Variants in FNBP1 observed in about 807,000 individuals in gnomAD.
The protein encoded by FNBP1 is formin binding protein 1, also known as formin-binding protein 1.
Under a neutral mutation model 90.6 loss-of-function variants are expected in FNBP1, and 26 were observed. The ratio of observed to expected loss-of-function variants is 0.29; its 90% CI spans 0.21 to 0.40. FNBP1 has a LOEUF of 0.40. Ranked by LOEUF, FNBP1 falls within the 10% of genes least tolerant of loss-of-function variation. The pLI, the probability that FNBP1 is intolerant of heterozygous loss-of-function variation, is 1.00. For synonymous variants in FNBP1, 260 were observed against 265.2 expected (o/e 0.98, Z 0.19); for missense variants, 635 against 768.0 (o/e 0.83, Z 2.05).
At chr9:130,003,126 T>TAA (rs112237715) in intron 1 of FNBP1, among the ~76,000 whole-genome samples, 61 of 147,430 alleles carry the variant, frequency 4.1e-4, no homozygotes, top group African/African-American at 9.0e-4. Flanking sequence ...TTCATTAAGT[T>TAA]CAAAAAAAAA....
At chr9:130,043,276 A>ACG (rs1234337936), upstream of FNBP1, 181 of 230,476 alleles carry the variant, frequency 7.9e-4, no homozygotes, top group African/African-American at 3.9e-3. Flanking sequence ...CAGCTCGCGC[A>ACG]CGCGCGCCCG....
intron 1 of FNBP1, among the ~76,000 whole-genome samples, chr9:130,010,759 T>C (rs10988567): frequency 2.1e-5 from 2 of 95,534 alleles, no homozygotes; most frequent in Non-Finnish European, 4.3e-5. Context: ...CACTTTTCTT[T>C]GGGTCTTTTT....
intron 9 of FNBP1, 66 bp downstream of exon 9, chr9:129,924,894 A>C: frequency 7.3e-7 from 1 of 1,369,136 alleles, no homozygotes; most frequent in Non-Finnish European, 1.0e-6. Flanking sequence ...TAGTTTTTCT[A>C]AGACTAAAAG....
chr9:129,960,928 G>A (rs1588896383), intron 4 of FNBP1, among the ~76,000 whole-genome samples: 5 of 152,154 alleles, frequency 3.3e-5, no homozygotes, highest in Admixed American at 3.3e-4. Context: ...TGAGCTTTAG[G>A]AGAAGGAAGA....
chr9:129,937,743 A>G (rs2043699175), intron 6 of FNBP1, among the ~76,000 whole-genome samples: 1 of 152,152 alleles, frequency 6.6e-6, no homozygotes, highest in Non-Finnish European at 1.5e-5. Flanking sequence ...AAAAAAAAAG[A>G]ATTTTTAAAG....
intron 6 of FNBP1, among the ~76,000 whole-genome samples, chr9:129,950,006 G>T (rs1344353003): frequency 6.6e-6 from 1 of 152,132 alleles, no homozygotes; most frequent in Non-Finnish European, 1.5e-5. Flanking sequence ...GCGCTGCTTT[G>T]AATACAATTA....
intron 6 of FNBP1, among the ~76,000 whole-genome samples, chr9:129,951,618 A>C: frequency 6.6e-6 from 1 of 151,328 alleles, no homozygotes; most frequent in Non-Finnish European, 1.5e-5. Flanking sequence ...ATTTTTAAAA[A>C]ACTTTTTGTA....
chr9:129,964,271 T>TA (rs746078576), intron 4 of FNBP1, among the ~76,000 whole-genome samples: 136 of 152,268 alleles, frequency 8.9e-4, no homozygotes, highest in Non-Finnish European at 1.6e-3. Flanking sequence ...CGGACAAAGA[T>TA]AAAAAGTGCT....
In FNBP1 at chr9:129,923,984, G is replaced by T. The variant is rs1168754798; in HGVS notation, c.1030C>A (p.Pro344Thr). 1 of 1,528,994 alleles carries T rather than the reference G, an allele frequency of 6.5e-7. No homozygotes were observed. The highest frequency in any genetic ancestry group is 8.8e-7 in the Non-Finnish European group (1 of 1,139,840). 94.7% of individuals were successfully genotyped at this position (1,528,994 alleles called of 1,614,324 possible). Residue 344 changes from proline (P) to threonine (T), a missense_variant, in exon 10 of 17, where the codon CCT (proline) becomes ACT (threonine). Pro to Thr is a conservative substitution (Grantham distance 38, BLOSUM62 -1). Transcript: ENST00000446176. The part of the protein sequence containing the change: ...LTSPHQPPPP[P>T]PASASPSAVP... ...GCAGAGGGTGAGGCAGAGGCAGGAGGGGGAGGGGGAGGCTGATGGGGGGAT... is the reference window on the plus strand; with the variant it reads ...GCAGAGGGTGAGGCAGAGGCAGGAGTGGGAGGGGGAGGCTGATGGGGGGAT...
rs1010439080 is a variant in FNBP1, at chr9:130,031,282, A to T, written c.24+11670T>A. 4.6e-5 allele frequency among the ~76,000 whole-genome samples: 7 copies of T among 152,230 alleles called. No individual in the cohort carries two copies. Among genetic ancestry groups the T allele is most frequent in the Non-Finnish European group, 7.3e-5 (5 of 68,042 alleles). On this transcript the variant is annotated intron_variant, in intron 1 of 16. Transcript: ENST00000446176. This position sits in a 1 kb window ranked among gnomAD's most constrained non-coding sequence, Gnocchi z 4.2. ...ACCGAGCTCCTCTCCATCCTTCTCC[A>T]CACTGAAAACTGGCACCATAGGTAC...
At position 130,029,306 on chromosome 9, in the gene FNBP1, G is replaced by A. The variant is rs2058610858; in HGVS notation, c.24+13646C>T. ...CTGGCTAATTTTTTGTAGAGATGGA[G>A]TTTCACCATGTTGCTCAGGCTGGTG... is the stretch of plus-strand genomic sequence containing the variant. On this transcript the variant is annotated intron_variant, in intron 1 of 16. Coordinates refer to ENST00000446176, the MANE Select transcript of FNBP1 (RefSeq NM_015033.3). Among the ~76,000 whole-genome samples, 4 of 152,056 alleles carry A rather than the reference G, an allele frequency of 2.6e-5. No individual in the cohort carries two copies. The South Asian group carries it at 8.3e-4, about 31-fold the overall frequency.
chr9:129,925,030 TCTC>T lies in FNBP1; in HGVS notation c.914_916del (p.Gly305del), dbSNP rs1588587161. The T allele has an allele frequency of 6.2e-7, 1 of 1,613,958 alleles. No homozygotes were observed. Among genetic ancestry groups the T allele is most frequent in the Non-Finnish European group, 8.5e-7 (1 of 1,179,870 alleles). On this transcript the variant is annotated inframe_deletion, in exon 9 of 17. Transcript: ENST00000446176. ...ACCAAATTTGAGGTCTGGTTTGCCT[TCTC>T]CTCTGGAATTTGAAAGGCTGTTATC...
chr9:129,971,367 A>C (rs1362671417), intron 4 of FNBP1, among the ~76,000 whole-genome samples: 1 of 152,068 alleles, frequency 6.6e-6, no homozygotes, highest in African/African-American at 2.4e-5. Context: ...TAGAAGTAGT[A>C]ATCCTATTTT....
At chr9:129,982,237 C>T (rs576999720) in intron 2 of FNBP1, among the ~76,000 whole-genome samples, 10 of 152,296 alleles carry the variant, frequency 6.6e-5, no homozygotes, top group African/African-American at 2.2e-4. Flanking sequence ...CTTTGGGAGG[C>T]CAAGGTGGGC....
chr9:129,919,981 G>A (rs2040845998), intron 10 of FNBP1, among the ~76,000 whole-genome samples: 1 of 152,174 alleles, frequency 6.6e-6, no homozygotes, highest in Admixed American at 6.5e-5. Flanking sequence ...TTTGCTTTTT[G>A]AGCTTGTGCT....
chr9:129,958,804 A>AC (rs1240090966), intron 4 of FNBP1, among the ~76,000 whole-genome samples: 3 of 150,662 alleles, frequency 2.0e-5, no homozygotes, highest in South Asian at 2.1e-4. Context: ...ACACAGTGAG[A>AC]CCCCCCACTC....
At chr9:130,012,932 C>T (rs1469091582) in intron 1 of FNBP1, among the ~76,000 whole-genome samples, 1 of 152,006 alleles carries the variant, frequency 6.6e-6, no homozygotes, top group African/African-American at 2.4e-5. Context: ...AGCCACCACG[C>T]CCAGCCAGAA....
intron 2 of FNBP1, among the ~76,000 whole-genome samples, chr9:129,980,847 C>G (rs2051113092): frequency 6.6e-6 from 1 of 151,328 alleles, no homozygotes; most frequent in Admixed American, 6.6e-5. Context: ...GTCAGGAGAT[C>G]GAGACCATCC....
At chr9:130,047,651 GTT>G (rs34555237), upstream of FNBP1, among the ~76,000 whole-genome samples, 7 of 149,662 alleles carry the variant, frequency 4.7e-5, no homozygotes, top group Non-Finnish European at 7.4e-5. Flanking sequence ...GTAAGTTTAT[GTT>G]TTTTTTTTTC....
Sources: gnomAD v4.1 joint callset for allele counts (sites outside exome capture counted in the v4.1 genomes callset) on GRCh38, gnomAD v4.1.1 for gene constraint, Gnocchi (gnomAD v3.1) non-coding constraint, MANE v1.5 for transcripts, NCBI Gene and HGNC (gene_info 2026-07-23, HGNC 2026-07-21) for gene names.